The following TAB2 variants were observed in gnomAD, a reference collection of about 807,000 sequenced individuals.
TAB2 encodes TGF-beta activated kinase 1 (MAP3K7) binding protein 2, also known as TGF-beta-activated kinase 1 and MAP3K7-binding protein 2.
In TAB2, 3 loss-of-function variants were observed where a neutral mutation model predicts 65.0. The ratio of observed to expected loss-of-function variants is 0.05; its 90% CI spans 0.02 to 0.12. The LOEUF is 0.12. Among genes scored for constraint, TAB2 ranks in the 10% least tolerant of loss-of-function variants. The pLI is 1.00. For missense variants in TAB2, 623 were observed against 840.3 expected, an observed-to-expected ratio of 0.74 and a Z score of 3.20; for synonymous variants, 298 against 285.1, an observed-to-expected ratio of 1.05 and a Z score of -0.46.
intron 1 of TAB2, among the ~76,000 whole-genome samples, chr6:149,252,912 G>A (rs1366709658): frequency 1.3e-5 from 2 of 152,216 alleles, no homozygotes; most frequent in Non-Finnish European, 2.9e-5. Flanking sequence ...CCCACGAGGA[G>A]AAGCTATATG....
At chr6:149,403,722 G>A (rs987248416) in intron 6 of TAB2, among the ~76,000 whole-genome samples, 1 of 152,000 alleles carries the variant, frequency 6.6e-6, no homozygotes, top group African/African-American at 2.4e-5. Context: ...TTTTATTCAT[G>A]GCAGAAAGTG....
chr6:149,403,373 C>CAT, intron 6 of TAB2, among the ~76,000 whole-genome samples: 1 of 117,536 alleles, frequency 8.5e-6, no homozygotes, highest in East Asian at 2.2e-4. Flanking sequence ...CACACACACA[C>CAT]ATACACATAC....
chr6:149,285,996 T>C (rs538902424), intron 1 of TAB2, among the ~76,000 whole-genome samples: 1 of 152,330 alleles, frequency 6.6e-6, no homozygotes, highest in South Asian at 2.1e-4. Context: ...TAAATTTTAC[T>C]TTTATTTCCA....
intron 1 of TAB2, among the ~76,000 whole-genome samples, chr6:149,283,426 A>G (rs1485113629): frequency 6.6e-6 from 1 of 152,174 alleles, no homozygotes; most frequent in Non-Finnish European, 1.5e-5. Flanking sequence ...AACTACAAGA[A>G]GGGCCAGGCA....
chr6:149,272,614 C>T (rs532166156), intron 1 of TAB2, among the ~76,000 whole-genome samples: 59 of 152,300 alleles, frequency 3.9e-4, no homozygotes, highest in South Asian at 2.3e-3. Context: ...CATGTGCCCA[C>T]CCAAATCATC....
At chr6:149,294,151 C>G (rs1377713066) in intron 1 of TAB2, among the ~76,000 whole-genome samples, 1 of 152,186 alleles carries the variant, frequency 6.6e-6, no homozygotes, top group Non-Finnish European at 1.5e-5. Context: ...GTACCACAGA[C>G]TGGGGTCACT....
At chr6:149,402,341 C>CA (rs1438368647) in intron 6 of TAB2, among the ~76,000 whole-genome samples, 2 of 151,296 alleles carry the variant, frequency 1.3e-5, no homozygotes, top group Non-Finnish European at 2.9e-5. Flanking sequence ...CATTCCTATC[C>CA]AAAAAATATC....
At chr6:149,225,420 T>A (rs1256441486) in intron 1 of TAB2, among the ~76,000 whole-genome samples, 2 of 152,176 alleles carry the variant, frequency 1.3e-5, no homozygotes, top group African/African-American at 4.8e-5. Flanking sequence ...TGAAATTCTA[T>A]GTCTAAGGGA....
At chr6:149,226,268 C>T (rs1777273193) in intron 1 of TAB2, among the ~76,000 whole-genome samples, 1 of 152,200 alleles carries the variant, frequency 6.6e-6, no homozygotes, top group Admixed American at 6.5e-5. Context: ...GAAGGCATGG[C>T]TGTAGGCTGA....
chr6:149,272,802 G>A (rs1213936446), intron 1 of TAB2, among the ~76,000 whole-genome samples: 1 of 152,110 alleles, frequency 6.6e-6, no homozygotes, highest in East Asian at 1.9e-4. Context: ...CAGGAAAGTT[G>A]GTCACGCTAT....
intron 1 of TAB2, among the ~76,000 whole-genome samples, chr6:149,258,155 G>A (rs1461004248): frequency 6.6e-6 from 1 of 152,138 alleles, no homozygotes; most frequent in African/African-American, 2.4e-5. Flanking sequence ...GGAGCAGTAA[G>A]GCCACACAGC....
chr6:149,248,741 A>T (rs61252638), intron 1 of TAB2, among the ~76,000 whole-genome samples: 15,855 of 152,130 alleles, frequency 0.1, 1,595 homozygotes, highest in African/African-American at 0.26. Context: ...AAGGGAGTGA[A>T]GCCCCGTGAG....
chr6:149,365,409 A>G (rs981847481), intron 1 of TAB2, among the ~76,000 whole-genome samples: 1 of 152,156 alleles, frequency 6.6e-6, no homozygotes, highest in African/African-American at 2.4e-5. Flanking sequence ...TGTTTGTAGT[A>G]TGTGGGTTGA....
intron 1 of TAB2, among the ~76,000 whole-genome samples, chr6:149,342,991 T>G (rs539455917): frequency 6.6e-6 from 1 of 152,328 alleles, no homozygotes; most frequent in East Asian, 1.9e-4. Context: ...GTATTGAGTT[T>G]AACATACCTT....
chr6:149,312,898 A>G (rs1172077290), upstream of TAB2, among the ~76,000 whole-genome samples: 43 of 152,314 alleles, frequency 2.8e-4, no homozygotes. Flanking sequence ...TTTCAAGAGT[A>G]CAATATTGTA....
chr6:149,397,825 A>G, intron 4 of TAB2, 61 bp downstream of exon 4: 1 of 1,596,344 alleles, frequency 6.3e-7, no homozygotes, highest in Non-Finnish European at 8.6e-7. Context: ...CATCTAACAT[A>G]AGTGTAATAT....
chr6:149,254,128 GGGAAA>G lies in TAB2; in HGVS notation c.-121+35369_-121+35373del, dbSNP rs375790132. Among the ~76,000 whole-genome samples the G allele has an allele frequency of 1.6e-3, 233 of 141,878 alleles. 2 individuals carry two copies. Among genetic ancestry groups the G allele is most frequent in the East Asian group, 7.6e-3 (34 of 4,474 alleles). 93.1% of individuals were successfully genotyped at this position (141,878 alleles called of 152,430 possible). ...AAGGAAGGAAGGACAGGGAAGGGAA[GGGAAA>G]GGAAAGGAAAGGAAAGAAAAGGAAA... On this transcript the variant is annotated intron_variant, in intron 1 of 1. Coordinates refer to the TAB2 transcript ENST00000606202.
intron 1 of TAB2, among the ~76,000 whole-genome samples, chr6:149,351,153 C>T (rs1780477244): frequency 6.6e-6 from 1 of 152,160 alleles, no homozygotes. Flanking sequence ...CCTTTAAACA[C>T]CTATTATAAC....
intron 1 of TAB2, among the ~76,000 whole-genome samples, chr6:149,227,460 C>T (rs560231200): frequency 7.2e-5 from 11 of 152,180 alleles, no homozygotes; most frequent in East Asian, 1.9e-4. Context: ...AGAGAAAGAG[C>T]GTCATGTTAC....
Sources: allele counts gnomAD v4.1 joint callset (sites outside exome capture counted in the v4.1 genomes callset), GRCh38; gene constraint gnomAD v4.1.1; transcripts MANE v1.5; gene names NCBI Gene and HGNC (gene_info 2026-07-23, HGNC 2026-07-21).